SH3RF3: variants seen among roughly 807,000 people sequenced by gnomAD.
SH3RF3 encodes E3 ubiquitin-protein ligase SH3RF3.
Under a neutral mutation model 66.3 loss-of-function variants are expected in SH3RF3, and 29 were observed. The ratio of observed to expected loss-of-function variants is 0.44; its 90% CI spans 0.33 to 0.60. The LOEUF is 0.60. Among genes scored for constraint, SH3RF3 ranks in the 20% least tolerant of loss-of-function variants. SH3RF3 has a pLI of 0.04. For synonymous variants in SH3RF3, 583 were observed against 532.0 expected, an observed-to-expected ratio of 1.10 and a Z score of -1.32; for missense variants, 1,194 against 1,190.9, an observed-to-expected ratio of 1.00 and a Z score of -0.04.
chr2:109,249,724 TGCAAGCTCC>T lies in SH3RF3; in HGVS notation c.574-97938_574-97930del, dbSNP rs904846013. 2.2e-4 allele frequency among the ~76,000 whole-genome samples: 33 copies of T among 151,760 alleles called. 1 individual carries two copies. The highest frequency in any genetic ancestry group is 4.4e-4 in the African/African-American group (18 of 41,288). On this transcript the variant is annotated intron_variant, in intron 1 of 9. Coordinates refer to ENST00000309415, the MANE Select transcript of SH3RF3 (RefSeq NM_001099289.3). ...GTACAGTGGTGCGATCTCAGCTCAC[TGCAAGCTCC>T]GCAAGCTCCGCCTTCCAGGTTCACG...
intron 3 of SH3RF3, among the ~76,000 whole-genome samples, chr2:109,387,479 C>T (rs532474632): frequency 1.7e-3 from 258 of 152,320 alleles, no homozygotes; most frequent in African/African-American, 6.1e-3. Context: ...TCCTCAGACA[C>T]TCCAGCCAGC....
intron 8 of SH3RF3, among the ~76,000 whole-genome samples, chr2:109,469,540 G>A (rs151117829): frequency 6.6e-6 from 1 of 152,092 alleles, no homozygotes; most frequent in Non-Finnish European, 1.5e-5. Context: ...AACTTAGGCT[G>A]CCTAGAAAAT....
intron 1 of SH3RF3, among the ~76,000 whole-genome samples, chr2:109,305,603 G>C (rs1559013469): frequency 6.6e-6 from 1 of 152,206 alleles, no homozygotes; most frequent in Non-Finnish European, 1.5e-5. Context: ...TAAGGGAGAT[G>C]AGAATACAAA....
intron 1 of SH3RF3, among the ~76,000 whole-genome samples, chr2:109,299,204 AC>A (rs1018146499): frequency 6.6e-5 from 10 of 152,224 alleles, no homozygotes; most frequent in Admixed American, 2.0e-4. Flanking sequence ...TAAAACTGCG[AC>A]CCTGCCTCCC....
In SH3RF3 at chr2:109,384,435, CA is replaced by C. The variant is rs1276616483; in HGVS notation, c.945+12755del. Among the ~76,000 whole-genome samples, 9 of 152,044 alleles carry C rather than the reference CA, an allele frequency of 5.9e-5. No individual in the cohort carries two copies. The East Asian group carries it at 1.8e-3, about 30-fold the overall frequency. ...GGGAGGGGCAGGGAGGGAGCAGGTC[CA>C]GGGGTGGCCTGAGCTGGCCGAGGGA... On this transcript the variant is annotated intron_variant, in intron 3 of 9. Transcript: ENST00000309415.
In SH3RF3 at chr2:109,490,821, G is replaced by A; in HGVS notation, c.2365G>A (p.Glu789Lys). Residue 789 changes from glutamate (E) to lysine (K), a missense_variant, in exon 9 of 10, where the codon GAG (glutamate) becomes AAG (lysine). Glu to Lys is a moderately conservative substitution (Grantham distance 56, BLOSUM62 1). Coordinates refer to ENST00000309415, the MANE Select transcript of SH3RF3 (RefSeq NM_001099289.3). ...CGAGATGCAGGGTGCCATGGGGATG[G>A]AGCCTCTGCACAGGAAGGCAGGCTC... ...ESEMQGAMGM[E>K]PLHRKAGSLD... 5 of 1,536,990 alleles carry A rather than the reference G, an allele frequency of 3.3e-6. No individual in the cohort carries two copies. Among genetic ancestry groups the A allele is most frequent in the Non-Finnish European group, 4.4e-6 (5 of 1,146,806 alleles).
chr2:109,400,504 T>C (rs538072161), intron 4 of SH3RF3, among the ~76,000 whole-genome samples: 3 of 151,122 alleles, frequency 2.0e-5, no homozygotes, highest in African/African-American at 7.3e-5. Context: ...CATTTACACA[T>C]ACACCCCTCC....
intron 8 of SH3RF3, among the ~76,000 whole-genome samples, chr2:109,485,648 A>C (rs530948337): frequency 2.0e-5 from 3 of 152,378 alleles, no homozygotes; most frequent in East Asian, 3.9e-4. Context: ...CTCCTTTTTA[A>C]ATATCAGATT....
At chr2:109,137,249 T>C (rs1025888685) in intron 1 of SH3RF3, among the ~76,000 whole-genome samples, 10 of 152,234 alleles carry the variant, frequency 6.6e-5, no homozygotes, top group South Asian at 2.1e-4. Context: ...TTGTTTATTC[T>C]TCCATAGTCT....
At chr2:109,245,262 A>T (rs1186682063) in intron 1 of SH3RF3, among the ~76,000 whole-genome samples, 2 of 152,112 alleles carry the variant, frequency 1.3e-5, no homozygotes, top group Non-Finnish European at 2.9e-5. Flanking sequence ...CAGACCACAG[A>T]GACAGGAGTA....
chr2:109,131,250 GT>G (rs576144783), intron 1 of SH3RF3, among the ~76,000 whole-genome samples: 4 of 151,114 alleles, frequency 2.6e-5, no homozygotes, highest in South Asian at 2.1e-4. Flanking sequence ...GCTGCAATGG[GT>G]TTTTTTTTCT....
intron 6 of SH3RF3, among the ~76,000 whole-genome samples, chr2:109,433,463 G>A (rs1661048658): frequency 6.6e-6 from 1 of 152,214 alleles, no homozygotes; most frequent in African/African-American, 2.4e-5. Flanking sequence ...TCCACAGCTT[G>A]GTGATATCAG....
intron 1 of SH3RF3, among the ~76,000 whole-genome samples, chr2:109,318,831 C>T (rs1681949833): frequency 6.6e-6 from 1 of 152,242 alleles, no homozygotes; most frequent in African/African-American, 2.4e-5. Context: ...CAGAGGCAGA[C>T]ATTGGCTTGG....
intron 1 of SH3RF3, among the ~76,000 whole-genome samples, chr2:109,317,389 T>C (rs1213967186): frequency 6.6e-6 from 1 of 152,078 alleles, no homozygotes; most frequent in African/African-American, 2.4e-5. Flanking sequence ...TCCAGAGGTC[T>C]GGGGCTCTTT....
intron 1 of SH3RF3, among the ~76,000 whole-genome samples, chr2:109,317,924 G>A (rs1170416904): frequency 1.3e-5 from 2 of 152,052 alleles, no homozygotes; most frequent in Admixed American, 6.5e-5. Flanking sequence ...TGGCTGCACC[G>A]CTGAGGGGAC....
intron 1 of SH3RF3, among the ~76,000 whole-genome samples, chr2:109,314,978 G>A (rs1445406532): frequency 2.0e-5 from 3 of 152,198 alleles, no homozygotes; most frequent in African/African-American, 4.8e-5. Context: ...AGAACCCCCA[G>A]CAGGCATTCC....
chr2:109,449,519 G>T (rs1302391723), intron 8 of SH3RF3, 30 bp downstream of exon 8: 3 of 1,605,738 alleles, frequency 1.9e-6, no homozygotes, highest in Admixed American at 3.4e-5. Flanking sequence ...CGAGCCCTGG[G>T]CTCGAGGCCA....
chr2:109,332,437 T>C (rs1375176491), intron 1 of SH3RF3, among the ~76,000 whole-genome samples: 1 of 152,182 alleles, frequency 6.6e-6, no homozygotes, highest in Non-Finnish European at 1.5e-5. Flanking sequence ...CAGGTCTTCC[T>C]GGACGGGCTT....
At chr2:109,490,958 C>T in intron 9 of SH3RF3, 22 bp downstream of exon 9, 1 of 1,441,488 alleles carries the variant, frequency 6.9e-7, no homozygotes, top group Non-Finnish European at 9.1e-7. Flanking sequence ...GGCTTGTCTG[C>T]TCTGTGGCAT....
Sources: allele counts gnomAD v4.1 joint callset (sites outside exome capture counted in the v4.1 genomes callset), GRCh38; gene constraint gnomAD v4.1.1; transcripts MANE v1.5; gene names NCBI Gene and HGNC (gene_info 2026-07-23, HGNC 2026-07-21).